UBAP2L: variants seen among roughly 807,000 people sequenced by gnomAD.
The protein encoded by UBAP2L is ubiquitin associated protein 2 like.
Under a neutral mutation model 130.6 loss-of-function variants are expected in UBAP2L, and 12 were observed. The ratio of observed to expected loss-of-function variants is 0.09; its 90% confidence interval spans 0.06 to 0.15. The LOEUF is 0.15. Among genes scored for constraint, UBAP2L ranks in the 10% least tolerant of loss-of-function variants. The pLI, the probability that UBAP2L is intolerant of heterozygous loss-of-function variation, is 1.00. For synonymous variants in UBAP2L, 503 were observed against 524.7 expected, an observed-to-expected ratio of 0.96 and a Z score of 0.57; for missense variants, 965 against 1,332.5, an observed-to-expected ratio of 0.72 and a Z score of 4.29.
At chr1:154,255,364 T>C in intron 17 of UBAP2L, 38 bp downstream of exon 17, 1 of 1,607,224 alleles carries the variant, frequency 6.2e-7, no homozygotes, top group Non-Finnish European at 8.5e-7. Flanking sequence ...GGTTGGTGAA[T>C]AGCAATAACA....
intron 21 of UBAP2L, 34 bp from the exon 22 acceptor site, chr1:154,259,914 T>C (rs1479976983): frequency 3.1e-6 from 5 of 1,594,242 alleles, no homozygotes; most frequent in Non-Finnish European, 3.4e-6. Flanking sequence ...ATGAGTGACA[T>C]TGAATCTCTG....
At chr1:154,258,928 C>A in intron 20 of UBAP2L, 49 bp from the exon 21 acceptor site, 1 of 1,536,480 alleles carries the variant, frequency 6.5e-7, no homozygotes, top group Non-Finnish European at 9.0e-7. Flanking sequence ...CCTTGTTTTG[C>A]TAACATCATG....
In UBAP2L at chr1:154,235,289, G is replaced by A. The variant is rs752770977; in HGVS notation, c.542G>A (p.Arg181Lys). 1 of 767,802 alleles carries A rather than the reference G, an allele frequency of 1.3e-6. No homozygotes were observed. Among genetic ancestry groups the A allele is most frequent in the East Asian group, 2.4e-5 (1 of 41,008 alleles). 47.6% of individuals were successfully genotyped at this position (767,802 alleles called of 1,614,324 possible). ...ERGRRGRGRGRGGSGRRGGRF... is the reference protein window; with the variant it reads ...ERGRRGRGRGKGGSGRRGGRF... ...GGCAGAAGGGGCCGTGGCCGAGGCA[G>A]AGGTGATCAGTTTGTTGGGGGATGG... is the stretch of plus-strand genomic sequence containing the variant. The change falls in exon 6 of 27, where the codon AGA (arginine) becomes AAA (lysine). Residue 181 changes from arginine to lysine, a missense_variant and splice_region_variant. Physicochemically the swap from Arg to Lys is conservative, Grantham distance 26. Transcript: ENST00000428931.
At chr1:154,258,580 C>T (rs970095706) in intron 20 of UBAP2L, 1 of 155,518 alleles carries the variant, frequency 6.4e-6, no homozygotes, top group African/African-American at 2.4e-5. Flanking sequence ...GTGGTCACTA[C>T]CTTAAAACCC....
At chr1:154,253,353 C>T (rs1409471840) in intron 14 of UBAP2L, among the ~76,000 whole-genome samples, 4 of 149,886 alleles carry the variant, frequency 2.7e-5, no homozygotes, top group African/African-American at 4.9e-5. Context: ...GGACTTTTCT[C>T]TTCCTTGAAG....
At position 154,235,187 on chromosome 1, in the gene UBAP2L, T is replaced by G. The variant is rs745737509; in HGVS notation, c.449-9T>G. 2.5e-5 allele frequency: 19 copies of G among 759,906 alleles called. No homozygotes were observed. The highest frequency in any genetic ancestry group is 4.4e-5 in the Non-Finnish European group (18 of 410,426). The allele number at this position is 759,906 out of a possible 1,614,324, so 47.1% of individuals were successfully genotyped here. On this transcript the variant is annotated splice_polypyrimidine_tract_variant and intron_variant, in intron 5 of 26. Transcript: ENST00000428931. ...GTTGTTGTTGTTTTAATTTTTATTT[T>G]TATTTCAGTTCGAGGTCAGGAAAAT...
At position 154,251,478 on chromosome 1, in the gene UBAP2L, T is replaced by TAGATTCCTGCTCTGGCTGTGG; in HGVS notation, c.1494_1514dup. ...TACTTTCTCTTCTCCTTCAACTTTA[T>TAGATTCCTGCTCTGGCTGTGG]AGATTCCTGCTCTGGCTGTGGAGAT... is the stretch of plus-strand genomic sequence containing the variant. On this transcript the variant is annotated splice_polypyrimidine_tract_variant and splice_region_variant and intron_variant, in intron 13 of 26. Transcript: ENST00000428931. The TAGATTCCTGCTCTGGCTGTGG allele has an allele frequency of 6.2e-7, 1 of 1,613,330 alleles. No homozygotes were observed. Among genetic ancestry groups the TAGATTCCTGCTCTGGCTGTGG allele is most frequent in the Middle Eastern group, 1.7e-4 (1 of 5,962 alleles).
At chr1:154,226,547 C>G (rs1003803981) in intron 2 of UBAP2L, among the ~76,000 whole-genome samples, 14 of 152,128 alleles carry the variant, frequency 9.2e-5, no homozygotes, top group Non-Finnish European at 1.9e-4. Context: ...AGTAAAATTC[C>G]TAGTATCTGA....
intron 24 of UBAP2L, among the ~76,000 whole-genome samples, chr1:154,264,404 CAA>C (rs906662018): frequency 4.6e-5 from 7 of 152,070 alleles, no homozygotes; most frequent in African/African-American, 7.2e-5. Context: ...GGAAGGAAAG[CAA>C]GAGAACTCTG....
upstream of UBAP2L, chr1:154,220,195 A>T (rs1436467398): frequency 1.9e-6 from 2 of 1,042,156 alleles, no homozygotes; most frequent in Non-Finnish European, 3.0e-6. Context: ...TAAGTGACTT[A>T]AACTCCCACC....
chr1:154,266,704 A>C, intron 25 of UBAP2L, 136 bp downstream of exon 25: 1 of 906,118 alleles, frequency 1.1e-6, no homozygotes, highest in Non-Finnish European at 1.8e-6. Context: ...TTCTAAATGA[A>C]AGGTCTTCTC....
chr1:154,229,790 A>G (rs1345815852), intron 4 of UBAP2L, among the ~76,000 whole-genome samples: 6 of 152,092 alleles, frequency 3.9e-5, no homozygotes, highest in Admixed American at 2.6e-4. Flanking sequence ...AATCATTTTC[A>G]TTTATTGGGT....
chr1:154,252,078 A>T (rs1162788114), intron 14 of UBAP2L, among the ~76,000 whole-genome samples: 1 of 151,938 alleles, frequency 6.6e-6, no homozygotes, highest in Non-Finnish European at 1.5e-5. Flanking sequence ...GGTTCAAGCG[A>T]TTCTCCTGCC....
intron 4 of UBAP2L, among the ~76,000 whole-genome samples, chr1:154,230,430 G>A (rs904637159): frequency 1.3e-5 from 2 of 152,174 alleles, no homozygotes; most frequent in Non-Finnish European, 2.9e-5. Context: ...ATTTAAATTG[G>A]TGGGTTTTTT....
chr1:154,234,536 A>G (rs1670998120), intron 4 of UBAP2L, 55 bp from the exon 5 acceptor site: 5 of 1,586,378 alleles, frequency 3.2e-6, no homozygotes, highest in South Asian at 2.2e-5. Flanking sequence ...TTTCATCTCT[A>G]GTGTCCTGAT....
intron 25 of UBAP2L, among the ~76,000 whole-genome samples, chr1:154,266,965 C>T (rs910321888): frequency 1.8e-4 from 28 of 151,946 alleles, no homozygotes; most frequent in Non-Finnish European, 5.9e-5. Context: ...GGAAAGGAGA[C>T]GACCTAGTAA....
chr1:154,261,981 G>GGA (rs1166472226), intron 24 of UBAP2L, among the ~76,000 whole-genome samples: 3 of 152,192 alleles, frequency 2.0e-5, no homozygotes, highest in African/African-American at 7.2e-5. Flanking sequence ...AGTAGGGCAA[G>GGA]GAGCCCCAAG....
intron 7 of UBAP2L, 84 bp downstream of exon 7, chr1:154,236,695 T>G: frequency 6.9e-7 from 1 of 1,443,592 alleles, no homozygotes; most frequent in Non-Finnish European, 9.7e-7. Flanking sequence ...TCAGAATGAT[T>G]TCTAGACTGG....
intron 4 of UBAP2L, among the ~76,000 whole-genome samples, chr1:154,231,895 A>G (rs1428016426): frequency 6.6e-6 from 1 of 152,224 alleles, no homozygotes; most frequent in Non-Finnish European, 1.5e-5. Context: ...ATACTCTTAC[A>G]TTACCATAAT....
Sources: gnomAD v4.1 joint callset for allele counts (sites outside exome capture counted in the v4.1 genomes callset) on GRCh38, gnomAD v4.1.1 for gene constraint, MANE v1.5 for transcripts, NCBI Gene and HGNC (gene_info 2026-07-23, HGNC 2026-07-21) for gene names.